Variants in RARB observed in about 807,000 individuals in gnomAD.
The protein encoded by RARB is HBV-activated protein.
A neutral mutation model predicts 51.9 loss-of-function variants in RARB; 17 were observed. The observed-to-expected ratio is 0.33, with a 90% CI of 0.22 to 0.49. The LOEUF is 0.49. RARB is among the 20% of genes least tolerant of loss of function. RARB has a pLI of 0.99. For missense variants in RARB, 369 were observed against 550.8 expected (o/e 0.67, Z 3.30); for synonymous variants, 215 against 195.4 (o/e 1.10, Z -0.84).
At chr3:25,303,031 C>T (rs567163578) in intron 5 of RARB, among the ~76,000 whole-genome samples, 1 of 152,290 alleles carries the variant, frequency 6.6e-6, no homozygotes, top group Non-Finnish European at 1.5e-5. Flanking sequence ...GCTCAATGCT[C>T]TCTTTAGAAT....
intron 2 of RARB, among the ~76,000 whole-genome samples, chr3:24,968,663 G>A (rs562253468): frequency 2.6e-5 from 4 of 152,190 alleles, no homozygotes; most frequent in South Asian, 4.1e-4. Flanking sequence ...TTCTCCCATA[G>A]CCTAACCCAG....
At chr3:25,246,862 C>A (rs969173236) in intron 5 of RARB, among the ~76,000 whole-genome samples, 2 of 152,176 alleles carry the variant, frequency 1.3e-5, no homozygotes, top group Non-Finnish European at 2.9e-5. Flanking sequence ...CTGGGAGATC[C>A]ACTGCTCTCT....
intron 2 of RARB, among the ~76,000 whole-genome samples, chr3:24,964,647 T>C (rs1410432138): frequency 1.3e-5 from 2 of 152,192 alleles, no homozygotes; most frequent in Non-Finnish European, 2.9e-5. Context: ...TGTCCATAAG[T>C]TGGTACCCAT....
chr3:25,499,999 C>G (rs1319898263), intron 2 of RARB, among the ~76,000 whole-genome samples: 1 of 152,190 alleles, frequency 6.6e-6, no homozygotes, highest in Non-Finnish European at 1.5e-5. Flanking sequence ...GTAAGTCAAA[C>G]AAAGTTATAT....
At chr3:25,074,478 G>T (rs1698831376) in intron 3 of RARB, among the ~76,000 whole-genome samples, 1 of 152,104 alleles carries the variant, frequency 6.6e-6, no homozygotes, top group Non-Finnish European at 1.5e-5. Flanking sequence ...TTCTCCCTCA[G>T]TGTCTCTGTC....
At chr3:24,996,674 A>ATGGAGCTTTTTCCTGGCC (rs1697047096) in intron 2 of RARB, among the ~76,000 whole-genome samples, 1 of 152,080 alleles carries the variant, frequency 6.6e-6, no homozygotes, top group Admixed American at 6.6e-5. Flanking sequence ...TGTTTCAAGT[A>ATGGAGCTTTTTCCTGGCC]ATATTTAAAT....
At chr3:25,068,301 T>G (rs922004774) in intron 3 of RARB, among the ~76,000 whole-genome samples, 48 of 151,894 alleles carry the variant, frequency 3.2e-4, no homozygotes, top group African/African-American at 1.1e-3. Flanking sequence ...CTTGCTCTTT[T>G]CTAAGAGTTG....
intron 3 of RARB, among the ~76,000 whole-genome samples, chr3:25,130,148 T>C (rs1368830146): frequency 6.6e-6 from 1 of 152,108 alleles, no homozygotes; most frequent in Non-Finnish European, 1.5e-5. Flanking sequence ...CTCTTTTATG[T>C]ATGCTATGTT....
intron 5 of RARB, among the ~76,000 whole-genome samples, chr3:25,405,989 T>C (rs1707397134): frequency 1.3e-5 from 2 of 152,188 alleles, no homozygotes; most frequent in South Asian, 4.1e-4. Flanking sequence ...AATACTGTGG[T>C]CACTATCCCG....
intron 2 of RARB, among the ~76,000 whole-genome samples, chr3:25,021,708 A>AT (rs201694158): frequency 2.8e-4 from 42 of 150,514 alleles, no homozygotes; most frequent in African/African-American, 8.8e-4. Flanking sequence ...ATTTGTTCAA[A>AT]TTTTTTTTTT....
In RARB at chr3:25,262,441, G is replaced by A. The variant is rs182629318; in HGVS notation, c.178+87866G>A. Among the ~76,000 whole-genome samples, 151 of 152,316 alleles carry A rather than the reference G, an allele frequency of 9.9e-4. 2 individuals are homozygous for A. The Middle Eastern group carries it at 0.02, about 21-fold the overall frequency. On this transcript the variant is annotated intron_variant, in intron 5 of 11. Transcript: ENST00000383772. Reference sequence around the variant, plus strand: ...AAATTTATTACAGTTCTGCATGTCTGAAATCTAATATGGATCTCATTGGGC... The same window carrying A: ...AAATTTATTACAGTTCTGCATGTCTAAAATCTAATATGGATCTCATTGGGC...
chr3:24,987,592 T>C (rs183807698), intron 2 of RARB, among the ~76,000 whole-genome samples: 117 of 152,370 alleles, frequency 7.7e-4, no homozygotes, highest in Admixed American at 2.8e-3. Flanking sequence ...AAGAGACTTA[T>C]ATCCCTCCTG....
intron 5 of RARB, among the ~76,000 whole-genome samples, chr3:25,192,444 G>C (rs906104909): frequency 6.6e-6 from 1 of 152,066 alleles, no homozygotes. Context: ...AAATACTACA[G>C]ACACTATAAG....
At chr3:24,950,396 A>G (rs1695864375) in intron 2 of RARB, among the ~76,000 whole-genome samples, 1 of 152,220 alleles carries the variant, frequency 6.6e-6, no homozygotes, top group Non-Finnish European at 1.5e-5. Flanking sequence ...GGGGCACATT[A>G]TAGGATTCTA....
intron 5 of RARB, among the ~76,000 whole-genome samples, chr3:25,314,769 G>C (rs893939826): frequency 5.3e-5 from 8 of 152,184 alleles, no homozygotes; most frequent in African/African-American, 1.7e-4. Flanking sequence ...GTGACACTGA[G>C]GTTTGGGGTA....
At chr3:25,395,817 T>G (rs894562426) in intron 5 of RARB, among the ~76,000 whole-genome samples, 4 of 152,210 alleles carry the variant, frequency 2.6e-5, no homozygotes, top group Admixed American at 1.3e-4. Flanking sequence ...TGGTGTCTCC[T>G]TGAGTAGCTT....
chr3:25,551,957 A>AT (rs938023715), intron 3 of RARB, among the ~76,000 whole-genome samples: 1 of 152,056 alleles, frequency 6.6e-6, no homozygotes, highest in Non-Finnish European at 1.5e-5. Context: ...AGCTCAAGGC[A>AT]TTTTTTTTAT....
intron 3 of RARB, among the ~76,000 whole-genome samples, chr3:25,519,931 A>G (rs1698333922): frequency 6.6e-6 from 1 of 152,238 alleles, no homozygotes; most frequent in African/African-American, 2.4e-5. Flanking sequence ...CTAAACATTT[A>G]GAAATCTTGA....
chr3:25,494,588 AGT>A (rs1491135857), intron 2 of RARB, among the ~76,000 whole-genome samples: 2 of 152,152 alleles, frequency 1.3e-5, no homozygotes, highest in Non-Finnish European at 2.9e-5. Context: ...CATCTTACAT[AGT>A]GTTCACTTGA....
Sources: allele counts gnomAD v4.1 joint callset (sites outside exome capture counted in the v4.1 genomes callset), GRCh38; gene constraint gnomAD v4.1.1; transcripts MANE v1.5; gene names NCBI Gene and HGNC (gene_info 2026-07-23, HGNC 2026-07-21).